The following TF variants were observed in gnomAD, a reference collection of about 807,000 sequenced individuals.
TF encodes serotransferrin.
Under a neutral mutation model 82.4 loss-of-function variants are expected in TF, and 55 were observed. The observed-to-expected ratio is 0.67, with a 90% CI of 0.54 to 0.84. TF has a LOEUF of 0.84. Ranked by LOEUF, TF falls within the 40% of genes least tolerant of loss-of-function variation. The probability of loss-of-function intolerance (pLI) is 0.00; values close to 1 mark genes in which losing one functional copy is unlikely to be tolerated. For synonymous variants in TF, 332 were observed against 332.6 expected (o/e 1.00, Z 0.02); for missense variants, 737 against 868.4 (o/e 0.85, Z 1.90).
intron 13 of TF, among the ~76,000 whole-genome samples, chr3:133,769,276 A>T (rs1934202314): frequency 6.6e-6 from 1 of 152,218 alleles, no homozygotes; most frequent in African/African-American, 2.4e-5. Context: ...AGTACAATTC[A>T]CATTCCCCAA....
At chr3:133,767,246 C>G (rs1934150377) in intron 12 of TF, among the ~76,000 whole-genome samples, 1 of 152,080 alleles carries the variant, frequency 6.6e-6, no homozygotes, top group Admixed American at 6.5e-5. Context: ...TTATTTCTAC[C>G]CCGCTTAAAC....
intron 5 of TF, 114 bp downstream of exon 5, chr3:133,755,609 C>A: frequency 6.9e-7 from 1 of 1,450,710 alleles, no homozygotes; most frequent in Non-Finnish European, 9.5e-7. Flanking sequence ...ATCGAGGTGG[C>A]CTAATCCCCT....
the TF span, among the ~76,000 whole-genome samples, chr3:133,691,191 T>C: frequency 1.3e-5 from 2 of 152,124 alleles, no homozygotes; most frequent in African/African-American, 2.4e-5. Context: ...CCAACCTCAT[T>C]GTGGAGAAGA....
the TF span, among the ~76,000 whole-genome samples, chr3:133,713,709 C>T: frequency 2.6e-5 from 4 of 152,172 alleles, no homozygotes; most frequent in Non-Finnish European, 4.4e-5. Flanking sequence ...TTTTAGCTTC[C>T]TCAGGGTCCG....
chr3:133,711,677 G>A, the TF span, among the ~76,000 whole-genome samples: 7 of 152,028 alleles, frequency 4.6e-5, no homozygotes, highest in East Asian at 1.9e-4. Context: ...CTCCACATCC[G>A]CTCTGGTTTC....
In TF at chr3:133,768,112, C is replaced by T; in HGVS notation, c.1570C>T (p.Leu524=). The change falls in exon 13 of 17, where the codon CTG becomes TTG. Residue 524 remains leucine (L), a synonymous_variant. Coordinates refer to ENST00000402696, the MANE Select transcript of TF (RefSeq NM_001063.4). ...GCTGTGTATGGGCTCAGGCCTAAAC[C>T]TGTGTGAACCCAACAACAAAGAGGG... is the stretch of plus-strand genomic sequence containing the variant. The part of the protein sequence containing the change: ...CKLCMGSGLN[L]CEPNNKEGYY... The T allele has an allele frequency of 1.2e-6, 2 of 1,614,194 alleles. No homozygotes were observed. The highest frequency in any genetic ancestry group is 1.7e-6 in the Non-Finnish European group (2 of 1,180,020).
intron 13 of TF, 76 bp downstream of exon 13, chr3:133,768,240 A>T (rs1189420116): frequency 7.0e-6 from 11 of 1,569,572 alleles, no homozygotes; most frequent in African/African-American, 1.4e-5. Flanking sequence ...CTAAGGTAAG[A>T]TTCTTAGGTT....
chr3:133,732,971 A>G, the TF span, among the ~76,000 whole-genome samples: 1 of 152,200 alleles, frequency 6.6e-6, no homozygotes, highest in African/African-American at 2.4e-5. Context: ...GTCAGGGAGA[A>G]CCAGGGCCAG....
chr3:133,711,966 T>C, the TF span, among the ~76,000 whole-genome samples: 2 of 151,944 alleles, frequency 1.3e-5, no homozygotes, highest in African/African-American at 4.8e-5. Context: ...GTCCCCTGTC[T>C]GGAGGGCTCT....
At chr3:133,663,395 T>A in the TF span, among the ~76,000 whole-genome samples, 1 of 139,896 alleles carries the variant, frequency 7.1e-6, no homozygotes, top group Non-Finnish European at 1.5e-5. Context: ...TCAGAATCAA[T>A]TAACACTGGG....
the TF span, among the ~76,000 whole-genome samples, chr3:133,695,934 G>A: frequency 1.3e-5 from 2 of 152,140 alleles, no homozygotes; most frequent in African/African-American, 2.4e-5. Context: ...AACCTGGGAG[G>A]GACAGAGCAG....
chr3:133,789,873 G>A lies in TF; in HGVS notation c.*11253G>A, dbSNP rs1028626580. Reference sequence around the variant, plus strand: ...AACCCAGCCAAAACAAAACGATCTCGTTTGCGTTTTTTTTTTTTTTTTTTT... The same window carrying A: ...AACCCAGCCAAAACAAAACGATCTCATTTGCGTTTTTTTTTTTTTTTTTTT... On this transcript the variant is annotated 3_prime_UTR_variant, in exon 17 of 17. Coordinates refer to ENST00000402696, the MANE Select transcript of TF (RefSeq NM_001063.4). 1 of 99,212 alleles carries A rather than the reference G, an allele frequency of 1.0e-5. No individual in the cohort carries two copies. Among genetic ancestry groups the A allele is most frequent in the Non-Finnish European group, 1.9e-5 (1 of 52,810 alleles). The allele number at this position is 99,212 out of a possible 1,614,324, so 6.1% of individuals were successfully genotyped here.
the TF span, among the ~76,000 whole-genome samples, chr3:133,674,654 C>G: frequency 1.4e-4 from 21 of 152,112 alleles, no homozygotes; most frequent in Non-Finnish European, 2.8e-4. Context: ...AGTAAGTGAG[C>G]GCTGGGAGTC....
chr3:133,697,194 G>T, the TF span, among the ~76,000 whole-genome samples: 3 of 151,968 alleles, frequency 2.0e-5, no homozygotes, highest in Admixed American at 2.0e-4. Context: ...TAGCATTTTG[G>T]CAATTGATGC....
upstream of TF, among the ~76,000 whole-genome samples, chr3:133,743,383 G>A (rs948734430): frequency 6.6e-6 from 1 of 152,064 alleles, no homozygotes; most frequent in African/African-American, 2.4e-5. Flanking sequence ...AGCCCTGGGG[G>A]CTGTGTGCTT....
At chr3:133,698,568 C>T in the TF span, among the ~76,000 whole-genome samples, 1 of 152,186 alleles carries the variant, frequency 6.6e-6, no homozygotes, top group Non-Finnish European at 1.5e-5. Flanking sequence ...CTCACAGACA[C>T]ATCACTCCAA....
At chr3:133,726,157 T>C in the TF span, among the ~76,000 whole-genome samples, 47,626 of 152,102 alleles carry the variant, frequency 0.31, 7,724 homozygotes, top group East Asian at 0.41. Flanking sequence ...GATATCAGGA[T>C]GATGCTGGCC....
chr3:133,717,951 A>C, the TF span, among the ~76,000 whole-genome samples: 1 of 152,186 alleles, frequency 6.6e-6, no homozygotes, highest in Non-Finnish European at 1.5e-5. Flanking sequence ...ATTTCAAATC[A>C]CTGGGGAAAG....
the TF span, among the ~76,000 whole-genome samples, chr3:133,738,807 T>C: frequency 6.6e-6 from 1 of 152,226 alleles, no homozygotes; most frequent in Non-Finnish European, 1.5e-5. Context: ...CTCAACTAAA[T>C]AACAGAGGAC....
Sources: allele counts gnomAD v4.1 joint callset (sites outside exome capture counted in the v4.1 genomes callset), GRCh38; gene constraint gnomAD v4.1.1; transcripts MANE v1.5; gene names NCBI Gene and HGNC (gene_info 2026-07-23, HGNC 2026-07-21).